ITPR1: variants seen among roughly 807,000 people sequenced by gnomAD.
The protein encoded by ITPR1 is inositol 1,4,5-trisphosphate-gated calcium channel ITPR1.
ITPR1 carries 96 observed loss-of-function variants against 318.4 expected under a neutral mutation model. The ratio of observed to expected loss-of-function variants is 0.30; its 90% CI spans 0.26 to 0.36. The LOEUF is 0.36. Among genes scored for constraint, ITPR1 ranks in the 10% least tolerant of loss-of-function variants. The pLI, the probability that ITPR1 is intolerant of heterozygous loss-of-function variation, is 1.00. For synonymous variants in ITPR1, 1,312 were observed against 1,289.9 expected, an observed-to-expected ratio of 1.02 and a Z score of -0.37; for missense variants, 2,440 against 3,460.2, an observed-to-expected ratio of 0.71 and a Z score of 7.40.
At chr3:4,645,796 T>TCC (rs762826157) in intron 10 of ITPR1, 68 bp downstream of exon 10, 1 of 1,438,374 alleles carries the variant, frequency 7.0e-7, no homozygotes, top group Non-Finnish European at 9.6e-7. Flanking sequence ...GCTCTCTCTC[T>TCC]CTCTATCCTA....
chr3:4,558,758 A>G (rs1214737006), intron 4 of ITPR1, among the ~76,000 whole-genome samples: 1 of 152,100 alleles, frequency 6.6e-6, no homozygotes, highest in Non-Finnish European at 1.5e-5. Flanking sequence ...ATAGAGTGAT[A>G]CAGTGATCCC....
intron 18 of ITPR1, 101 bp downstream of exon 18, chr3:4,667,650 A>C: frequency 8.5e-7 from 1 of 1,181,740 alleles, no homozygotes; most frequent in South Asian, 1.7e-5. Context: ...TGCTAGTGAC[A>C]AGTTTTGATT....
At chr3:4,603,498 C>T (rs111791009) in intron 4 of ITPR1, among the ~76,000 whole-genome samples, 6,718 of 152,128 alleles carry the variant, frequency 0.044, 201 homozygotes, top group African/African-American at 0.071. Flanking sequence ...GGTGCAATCT[C>T]GGCTCACTGC....
rs529182801 is a variant in ITPR1 at position 4,736,646 on chromosome 3, G to A, written c.5544+1292G>A. On this transcript the variant is annotated intron_variant, in intron 44 of 61. Coordinates refer to ENST00000649015, the MANE Select transcript of ITPR1 (RefSeq NM_001378452.1). ...CTTGTCTAAGTTGTCACGTGGGCAC[G>A]AGTCGTACACGTTGGGATTGCTTTT... Among the ~76,000 whole-genome samples the A allele has an allele frequency of 4.3e-4, 65 of 152,370 alleles. 1 individual carries two copies. Among genetic ancestry groups the A allele is most frequent in the African/African-American group, 1.5e-3 (63 of 41,578 alleles).
intron 30 of ITPR1, among the ~76,000 whole-genome samples, chr3:4,687,865 A>G (rs1410877484): frequency 6.6e-6 from 1 of 152,182 alleles, no homozygotes; most frequent in Non-Finnish European, 1.5e-5. Flanking sequence ...GAGTTACGGC[A>G]GGCACAGTTG....
At chr3:4,777,844 C>T (rs978575708) in intron 48 of ITPR1, among the ~76,000 whole-genome samples, 3 of 151,318 alleles carry the variant, frequency 2.0e-5, no homozygotes, top group Non-Finnish European at 4.4e-5. Flanking sequence ...AAGGAAATAC[C>T]TTTTTCTCTT....
At chr3:4,650,651 G>A (rs560591452) in intron 10 of ITPR1, among the ~76,000 whole-genome samples, 43 of 148,270 alleles carry the variant, frequency 2.9e-4, no homozygotes, top group African/African-American at 6.5e-4. Context: ...GTGTGCGCGC[G>A]TCTGTCTGTG....
At chr3:4,564,688 C>T (rs1196856999) in intron 4 of ITPR1, among the ~76,000 whole-genome samples, 2 of 152,130 alleles carry the variant, frequency 1.3e-5, no homozygotes, top group African/African-American at 2.4e-5. Flanking sequence ...TGACTCTGAA[C>T]CTGCTGGCAT....
rs10713337 is a variant in ITPR1, at chr3:4,590,174, C to CT, written c.164-37568dup. On this transcript the variant is annotated intron_variant, in intron 4 of 61. Coordinates refer to ENST00000649015, the MANE Select transcript of ITPR1 (RefSeq NM_001378452.1). The stretch of plus-strand genomic sequence containing the variant: ...CCCTTTGTGTCTCCTCTTCGTCTTG[C>CT]TTTTTTTTTTTTTTTTTTTTTGTCT... Among the ~76,000 whole-genome samples the CT allele has an allele frequency of 6.4e-3, 563 of 87,442 alleles. 15 individuals carry two copies. The highest frequency in any genetic ancestry group is 7.6e-3 in the Non-Finnish European group (356 of 46,740). The allele number at this position is 87,442 out of a possible 152,430, so 57.4% of individuals were successfully genotyped here.
intron 33 of ITPR1, among the ~76,000 whole-genome samples, chr3:4,695,363 C>A (rs73807128): frequency 0.043 from 6,499 of 152,144 alleles, 489 homozygotes; most frequent in African/African-American, 0.15. Flanking sequence ...AGAGAAGCGT[C>A]GTGTTATAAC....
intron 54 of ITPR1, among the ~76,000 whole-genome samples, chr3:4,802,696 A>T (rs1266793708): frequency 6.6e-6 from 1 of 151,996 alleles, no homozygotes; most frequent in Non-Finnish European, 1.5e-5. Flanking sequence ...TGGCATAGTA[A>T]TGCATGCTTG....
intron 33 of ITPR1, among the ~76,000 whole-genome samples, chr3:4,694,431 A>G (rs1300304833): frequency 1.8e-5 from 2 of 109,440 alleles, no homozygotes; most frequent in Non-Finnish European, 4.3e-5. Context: ...TATATGACAT[A>G]TATCATATAA....
At chr3:4,647,622 C>G (rs183951797) in intron 10 of ITPR1, among the ~76,000 whole-genome samples, 1 of 152,198 alleles carries the variant, frequency 6.6e-6, no homozygotes, top group African/African-American at 2.4e-5. Context: ...TCAGTCTTTT[C>G]AATGTTACTC....
At chr3:4,584,041 C>T (rs1396785778) in intron 4 of ITPR1, among the ~76,000 whole-genome samples, 2 of 152,160 alleles carry the variant, frequency 1.3e-5, no homozygotes, top group African/African-American at 4.8e-5. Flanking sequence ...TTCATTTCTG[C>T]ATTCTTTCTA....
In ITPR1 at chr3:4,627,929, G is replaced by C. The variant is rs2092891720; in HGVS notation, c.279+51G>C. On this transcript the variant is annotated intron_variant, in intron 5 of 61. Transcript: ENST00000649015. Reference sequence around the variant, plus strand: ...TGGGGCAGTAGTGAGTGGCTGCCTTGGTGGTATCTGGGTGTAATGGTGGGA... The same window carrying C: ...TGGGGCAGTAGTGAGTGGCTGCCTTCGTGGTATCTGGGTGTAATGGTGGGA... 5.5e-6 allele frequency: 6 copies of C among 1,096,218 alleles called. 1 individual carries two copies. Among genetic ancestry groups the C allele is most frequent in the South Asian group, 4.5e-5 (3 of 65,976 alleles). 67.9% of individuals were successfully genotyped at this position (1,096,218 alleles called of 1,614,324 possible).
At chr3:4,545,287 T>C (rs1180343260) in intron 4 of ITPR1, among the ~76,000 whole-genome samples, 4 of 152,194 alleles carry the variant, frequency 2.6e-5, no homozygotes, top group Non-Finnish European at 4.4e-5. Context: ...AACTTTCCTG[T>C]TCTTATTTCT....
chr3:4,769,411 T>A (rs527962648), intron 46 of ITPR1, among the ~76,000 whole-genome samples: 1 of 152,300 alleles, frequency 6.6e-6, no homozygotes, highest in East Asian at 1.9e-4. Flanking sequence ...AAAAATGGGA[T>A]GGATGGATGG....
intron 4 of ITPR1, among the ~76,000 whole-genome samples, chr3:4,615,748 A>C (rs2092363943): frequency 6.6e-6 from 1 of 152,152 alleles, no homozygotes; most frequent in African/African-American, 2.4e-5. Flanking sequence ...AAGTAGCTAA[A>C]TAAAAGTTTA....
chr3:4,544,858 T>G (rs1435121881), intron 4 of ITPR1, among the ~76,000 whole-genome samples: 1 of 152,204 alleles, frequency 6.6e-6, no homozygotes, highest in East Asian at 1.9e-4. Context: ...CGTGTGGTGG[T>G]GCACTCACAG....
Sources: allele counts gnomAD v4.1 joint callset (sites outside exome capture counted in the v4.1 genomes callset), GRCh38; gene constraint gnomAD v4.1.1; transcripts MANE v1.5; gene names NCBI Gene and HGNC (gene_info 2026-07-23, HGNC 2026-07-21).